RB1CC1: variants seen among roughly 807,000 people sequenced by gnomAD.
RB1CC1 encodes RB1-inducible coiled-coil protein 1.
In RB1CC1, 46 loss-of-function variants were observed where a neutral mutation model predicts 177.5. The ratio of observed to expected loss-of-function variants is 0.26; its 90% CI spans 0.20 to 0.33. RB1CC1 has a LOEUF of 0.33. Among genes scored for constraint, RB1CC1 ranks in the 10% least tolerant of loss-of-function variants. The probability of loss-of-function intolerance (pLI) is 1.00; values close to 1 mark genes in which losing one functional copy is unlikely to be tolerated. For synonymous variants in RB1CC1, 666 were observed against 613.6 expected (o/e 1.09, Z -1.26); for missense variants, 1,703 against 1,816.3 (o/e 0.94, Z 1.13).
In RB1CC1 at chr8:52,698,710, T is replaced by G. The variant is rs1416160277; in HGVS notation, c.-166-11743A>C. 2.5e-4 allele frequency among the ~76,000 whole-genome samples: 14 copies of G among 55,536 alleles called. 2 individuals carry two copies. The highest frequency in any genetic ancestry group is 8.4e-4 in the African/African-American group (8 of 9,506). 36.4% of individuals were successfully genotyped at this position (55,536 alleles called of 152,430 possible). ...TTTTTTTTTTTTTTTTTTTTTTTTT[T>G]TTTTTTTTTTTTTTTTTGAGACAGA... On this transcript the variant is annotated intron_variant, in intron 1 of 23. Transcript: ENST00000025008.
At chr8:52,669,086 T>G (rs1852328057) in intron 7 of RB1CC1, among the ~76,000 whole-genome samples, 1 of 152,222 alleles carries the variant, frequency 6.6e-6, no homozygotes, top group Non-Finnish European at 1.5e-5. Flanking sequence ...TCTCACAGAT[T>G]CTCAAACTGT....
chr8:52,660,815 A>G, intron 11 of RB1CC1, 111 bp downstream of exon 11: 2 of 1,112,570 alleles, frequency 1.8e-6, no homozygotes, highest in Non-Finnish European at 2.6e-6. Context: ...AATATTTCCT[A>G]GATATCAATG....
At chr8:52,712,496 C>CAAAAAAAAAA (rs5891479) in intron 1 of RB1CC1, among the ~76,000 whole-genome samples, 1 of 100,490 alleles carries the variant, frequency 1.0e-5, no homozygotes, top group Non-Finnish European at 2.0e-5. Flanking sequence ...CAGCAAGAGC[C>CAAAAAAAAAA]AAAAAAAAAA....
chr8:52,661,060 T>A, intron 10 of RB1CC1, 35 bp downstream of exon 10: 1 of 1,611,676 alleles, frequency 6.2e-7, no homozygotes, highest in Non-Finnish European at 8.5e-7. Flanking sequence ...TCGTTAAAGT[T>A]CATATACAGT....
chr8:52,695,425 A>G (rs1229367534), intron 1 of RB1CC1, among the ~76,000 whole-genome samples: 6 of 152,186 alleles, frequency 3.9e-5, no homozygotes, highest in Non-Finnish European at 8.8e-5. Context: ...CCCCTGTAAT[A>G]TCCTGACAGA....
In RB1CC1 at chr8:52,636,059, G is replaced by C. The variant is rs1033765128; in HGVS notation, c.4348C>G (p.His1450Asp). 1.2e-6 allele frequency: 2 copies of C among 1,604,940 alleles called. No homozygotes were observed. The highest frequency in any genetic ancestry group is 2.7e-5 in the African/African-American group (2 of 74,548). ...CGCTGTTTTTCTTCAGACAACATAT[G>C]AATATTTTCTCTAAAAGTGAGAATA... is the stretch of plus-strand genomic sequence containing the variant. ...TSMMSVQENI[H>D]MLSEEKQRIM... Residue 1450 changes from histidine to aspartate, a missense_variant, in exon 19 of 24, where the codon CAT becomes GAT. By Grantham distance (81) the His-to-Asp change is moderately conservative. This residue lies in a region of RB1CC1 where 1,169 missense variants were observed against 1,184.7 expected (regional missense o/e 0.99). Coordinates refer to ENST00000025008, the MANE Select transcript of RB1CC1 (RefSeq NM_014781.5).
At chr8:52,685,356 T>C (rs1215898512) in intron 3 of RB1CC1, 43 bp downstream of exon 3, 1 of 1,382,886 alleles carries the variant, frequency 7.2e-7, no homozygotes, top group South Asian at 1.2e-5. Flanking sequence ...ACTTTCTGCA[T>C]GCAGACAGAA....
chr8:52,632,633 C>T (rs558103443), intron 20 of RB1CC1, among the ~76,000 whole-genome samples: 13 of 152,252 alleles, frequency 8.5e-5, no homozygotes, highest in African/African-American at 3.1e-4. Flanking sequence ...GGACACCTTT[C>T]TGAATGTGAC....
In RB1CC1 at chr8:52,698,669, GGTTTTTTTTTTTTTTTTTTTTTTTTTTTT is replaced by G. The variant is rs1855701785; in HGVS notation, c.-166-11731_-166-11703del. The stretch of plus-strand genomic sequence containing the variant: ...AACAAAAACTGTATATGTAATGGTT[GGTTTTTTTTTTTTTTTTTTTTTTTTTTTT>G]TTTTTTTTTTTTTTTTTTTTTTTTT... On this transcript the variant is annotated intron_variant, in intron 1 of 23. Coordinates refer to ENST00000025008, the MANE Select transcript of RB1CC1 (RefSeq NM_014781.5). 1.2e-3 allele frequency among the ~76,000 whole-genome samples: 27 copies of G among 22,780 alleles called. 7 individuals are homozygous for G. The highest frequency in any genetic ancestry group is 2.7e-3 in the East Asian group (2 of 728). The allele number at this position is 22,780 out of a possible 152,430, so 14.9% of individuals were successfully genotyped here. A position where few individuals can be genotyped will look rare whatever the true frequency, so the allele number is the denominator to read the frequency against.
chr8:52,638,385 G>A (rs557896552), intron 18 of RB1CC1, among the ~76,000 whole-genome samples: 11 of 152,100 alleles, frequency 7.2e-5, no homozygotes, highest in African/African-American at 2.4e-5. Flanking sequence ...GTATTTTGCC[G>A]ATAATATTTG....
At chr8:52,633,956 A>C (rs764003210) in intron 20 of RB1CC1, among the ~76,000 whole-genome samples, 5 of 151,392 alleles carry the variant, frequency 3.3e-5, no homozygotes, top group Non-Finnish European at 7.4e-5. Flanking sequence ...TAAAACCAAA[A>C]CAAAACAAAA....
intron 7 of RB1CC1, among the ~76,000 whole-genome samples, chr8:52,670,879 C>G (rs1010681300): frequency 3.3e-5 from 5 of 151,442 alleles, no homozygotes; most frequent in African/African-American, 4.9e-5. Flanking sequence ...TCCCAGCTAC[C>G]CAGGAGGTGA....
In RB1CC1 at chr8:52,657,799, T is replaced by C; in HGVS notation, c.2030A>G (p.Gln677Arg). The change falls in exon 15 of 24, where the codon CAG (glutamine) becomes CGG (arginine). Residue 677 changes from glutamine (Q) to arginine (R), a missense_variant. Coordinates refer to ENST00000025008, the MANE Select transcript of RB1CC1 (RefSeq NM_014781.5). ...ACAAACTGCAGGACATAAGGGATCC[T>C]GAACAGTCAGTGGTGGAGGAGTTCT... ...SPRTPPPLTV[Q>R]DPLCPAVCPL... 1 of 1,613,916 alleles carries C rather than the reference T, an allele frequency of 6.2e-7. No individual in the cohort carries two copies. Among genetic ancestry groups the C allele is most frequent in the Non-Finnish European group, 8.5e-7 (1 of 1,179,940 alleles).
chr8:52,635,594 AC>A (rs1849080827), intron 19 of RB1CC1, among the ~76,000 whole-genome samples: 3 of 152,098 alleles, frequency 2.0e-5, no homozygotes, highest in African/African-American at 7.2e-5. Flanking sequence ...TTTATTTAAA[AC>A]ATAACTCCCT....
intron 22 of RB1CC1, among the ~76,000 whole-genome samples, 192 bp from the exon 23 acceptor site, chr8:52,624,979 T>C (rs1447236346): frequency 1.3e-5 from 2 of 152,138 alleles, no homozygotes; most frequent in African/African-American, 4.8e-5. Flanking sequence ...TTTCAACCAG[T>C]AATGTGTGCG....
chr8:52,704,636 G>A (rs2150705560), intron 1 of RB1CC1, among the ~76,000 whole-genome samples: 1 of 152,020 alleles, frequency 6.6e-6, no homozygotes, highest in Middle Eastern at 3.4e-3. Flanking sequence ...TGCAACTTTG[G>A]GAATGCTTAT....
Position 52,636,971 on chromosome 8 carries a change from T to G in RB1CC1, c.4338-902A>C, listed in dbSNP as rs139241908. 2.8e-4 allele frequency among the ~76,000 whole-genome samples: 42 copies of G among 152,350 alleles called. No individual in the cohort carries two copies. In the East Asian group the frequency reaches 7.5e-3, roughly 27 times the overall value. On this transcript the variant is annotated intron_variant, in intron 18 of 23. Coordinates refer to ENST00000025008, the MANE Select transcript of RB1CC1 (RefSeq NM_014781.5). ...TGATACAGTCAGGCTAGCACTACAG[T>G]GTCTTATTACCCTTGCTTACAAATT...
chr8:52,635,120 G>A (rs1849036809), intron 19 of RB1CC1, 152 bp from the exon 20 acceptor site: 1 of 675,412 alleles, frequency 1.5e-6, no homozygotes, highest in Non-Finnish European at 2.5e-6. Flanking sequence ...CTTTCCAAAT[G>A]TTTTCATTAT....
chr8:52,625,320 A>G (rs1848307872), intron 22 of RB1CC1, among the ~76,000 whole-genome samples: 2 of 152,232 alleles, frequency 1.3e-5, no homozygotes, highest in South Asian at 4.1e-4. Flanking sequence ...ATAAATTAAT[A>G]AGGGCTAAGA....
Sources: gnomAD v4.1 joint callset for allele counts (sites outside exome capture counted in the v4.1 genomes callset) on GRCh38, gnomAD v4.1.1 for gene constraint, gnomAD v4.1.1 regional missense constraint, MANE v1.5 for transcripts, NCBI Gene and HGNC (gene_info 2026-07-23, HGNC 2026-07-21) for gene names.